Variants in RBMS3 observed in about 807,000 individuals in gnomAD.
The protein encoded by RBMS3 is RNA binding motif single stranded interacting protein 3.
In RBMS3, 27 loss-of-function variants were observed where a neutral mutation model predicts 66.8. The observed-to-expected ratio is 0.40, with a 90% CI of 0.30 to 0.56. RBMS3 has a LOEUF of 0.56. RBMS3 is among the 20% of genes least tolerant of loss of function. The pLI, the probability that RBMS3 is intolerant of heterozygous loss-of-function variation, is 0.40. For missense variants in RBMS3, 513 were observed against 549.5 expected (o/e 0.93, Z 0.66); for synonymous variants, 188 against 183.0 (o/e 1.03, Z -0.22).
chr3:29,481,657 CAGA>C (rs1285784380), intron 2 of RBMS3, among the ~76,000 whole-genome samples: 1 of 152,080 alleles, frequency 6.6e-6, no homozygotes, highest in Non-Finnish European at 1.5e-5. Flanking sequence ...TAGGTATTGG[CAGA>C]AGGAGACTGA....
chr3:30,006,605 CATGT>C lies in RBMS3; in HGVS notation c.*2747_*2750del, dbSNP rs1483315558. The C allele has an allele frequency of 6.6e-6, 1 of 151,826 alleles. No individual in the cohort carries two copies. Among genetic ancestry groups the C allele is most frequent in the Non-Finnish European group, 1.5e-5 (1 of 67,814 alleles). The allele number at this position is 151,826 out of a possible 1,614,324, so 9.4% of individuals were successfully genotyped here. On this transcript the variant is annotated 3_prime_UTR_variant, in exon 15 of 15. Coordinates refer to ENST00000383767, the MANE Select transcript of RBMS3 (RefSeq NM_001003793.3). ...CAAAGTTTTTTGGGGTACAAAAAGACATGTATGAGAACCATATTTTCTGTTTCTC... is the reference window on the plus strand; with the variant it reads ...CAAAGTTTTTTGGGGTACAAAAAGACATGAGAACCATATTTTCTGTTTCTC...
intron 1 of RBMS3, among the ~76,000 whole-genome samples, chr3:29,410,015 A>G (rs959252381): frequency 6.6e-6 from 1 of 152,150 alleles, no homozygotes; most frequent in Admixed American, 6.5e-5. Context: ...TCTTTCAGGT[A>G]ATGAGATTGT....
At position 29,473,648 on chromosome 3, in the gene RBMS3, C is replaced by T. The variant is rs572775986; in HGVS notation, c.249-14793C>T. 7.9e-5 allele frequency among the ~76,000 whole-genome samples: 12 copies of T among 152,328 alleles called. 1 individual carries two copies. Among genetic ancestry groups the T allele is most frequent in the African/African-American group, 2.6e-4 (11 of 41,582 alleles). Reference sequence around the variant, plus strand: ...GCTGCAGGTCCCGAGCCCTGCCCCTCGGGGAGGCAGCTAAGGCACGGTGAG... The same window carrying T: ...GCTGCAGGTCCCGAGCCCTGCCCCTTGGGGAGGCAGCTAAGGCACGGTGAG... On this transcript the variant is annotated intron_variant, in intron 2 of 14. Transcript: ENST00000383767.
rs570233125 is a variant in RBMS3 at position 29,670,950 on chromosome 3, C to T, written c.400-68770C>T. On this transcript the variant is annotated intron_variant, in intron 4 of 14. Transcript: ENST00000383767. ...AGATCTGAGAATGGACAGACTGCCT[C>T]CTCAAGTGAGACCCTGACCCCCAAG... is the stretch of plus-strand genomic sequence containing the variant. Among the ~76,000 whole-genome samples the T allele has an allele frequency of 3.3e-5, 5 of 152,336 alleles. No homozygotes were observed. In the South Asian group the frequency reaches 8.3e-4, roughly 25 times the overall value.
intron 2 of RBMS3, among the ~76,000 whole-genome samples, chr3:29,487,006 C>T (rs2043346179): frequency 6.6e-6 from 1 of 151,992 alleles, no homozygotes; most frequent in African/African-American, 2.4e-5. Flanking sequence ...ACATTTTCTT[C>T]TCTTATCCCT....
intron 3 of RBMS3, among the ~76,000 whole-genome samples, chr3:29,572,862 T>C (rs1431976529): frequency 6.6e-6 from 1 of 152,216 alleles, no homozygotes. Context: ...CTTAAGTGTT[T>C]GATAGAATTC....
At chr3:29,308,448 G>A (rs544925038) in intron 1 of RBMS3, among the ~76,000 whole-genome samples, 7 of 151,768 alleles carry the variant, frequency 4.6e-5, no homozygotes, top group East Asian at 2.0e-4. Context: ...AACAATGAAC[G>A]TATAAGGGAG....
In RBMS3 at chr3:29,989,450, C is replaced by A. The variant is rs117729129; in HGVS notation, c.1179+1227C>A. 4.7e-3 allele frequency among the ~76,000 whole-genome samples: 717 copies of A among 152,290 alleles called. 16 individuals are homozygous for A. The East Asian group carries it at 0.082, about 17-fold the overall frequency. On this transcript the variant is annotated intron_variant, in intron 13 of 14. Transcript: ENST00000383767. The stretch of plus-strand genomic sequence containing the variant: ...ATTCCTTCTCAGCAGCTGGGAATCC[C>A]CTGCAGCTGATGTCTTTGCTACTCC...
intron 1 of RBMS3, among the ~76,000 whole-genome samples, chr3:29,343,696 C>T (rs570864810): frequency 2.0e-5 from 3 of 152,256 alleles, no homozygotes; most frequent in Admixed American, 2.0e-4. Context: ...ACCAGTTCAA[C>T]CTCATTGTCC....
chr3:29,621,448 A>G lies in RBMS3; in HGVS notation c.399+34243A>G, dbSNP rs149368582. 1.1e-3 allele frequency among the ~76,000 whole-genome samples: 170 copies of G among 152,306 alleles called. 1 individual carries two copies. The highest frequency in any genetic ancestry group is 2.0e-3 in the Admixed American group (31 of 15,302). On this transcript the variant is annotated intron_variant, in intron 4 of 14. Coordinates refer to ENST00000383767, the MANE Select transcript of RBMS3 (RefSeq NM_001003793.3). ...GGGCTGGAACAAGGGACTCCTGACT[A>G]TCAGGGACTCTGCAGATTATTTGTA...
chr3:29,425,204 C>A (rs1406109621), intron 1 of RBMS3, among the ~76,000 whole-genome samples: 3 of 123,896 alleles, frequency 2.4e-5, no homozygotes, highest in South Asian at 3.1e-4. Context: ...AAAAAAAACC[C>A]CCCAAAAAAA....
chr3:29,405,320 T>A (rs2039973448), intron 1 of RBMS3, among the ~76,000 whole-genome samples: 1 of 152,208 alleles, frequency 6.6e-6, no homozygotes, highest in Non-Finnish European at 1.5e-5. Context: ...AGGCTTTGTC[T>A]ATAATCCTGT....
intron 5 of RBMS3, among the ~76,000 whole-genome samples, chr3:29,750,773 AT>A (rs1213837746): frequency 6.6e-6 from 1 of 151,858 alleles, no homozygotes; most frequent in Admixed American, 6.6e-5. Context: ...AGCATTTCTT[AT>A]TTGACAATGC....
At chr3:29,855,137 C>T (rs1577002635) in intron 6 of RBMS3, among the ~76,000 whole-genome samples, 1 of 152,254 alleles carries the variant, frequency 6.6e-6, no homozygotes, top group South Asian at 2.1e-4. Context: ...TTACTACATG[C>T]TACTCTATGC....
At position 29,281,416 on chromosome 3, in the gene RBMS3, C is replaced by A; in HGVS notation, c.-266C>A. 6.0e-6 allele frequency: 3 copies of A among 496,548 alleles called. No homozygotes were observed. Among genetic ancestry groups the A allele is most frequent in the Non-Finnish European group, 7.0e-6 (2 of 283,788 alleles). 30.8% of individuals were successfully genotyped at this position (496,548 alleles called of 1,614,324 possible). On this transcript the variant is annotated 5_prime_UTR_variant, in exon 1 of 15. Coordinates refer to ENST00000383767, the MANE Select transcript of RBMS3 (RefSeq NM_001003793.3). Reference sequence around the variant, plus strand: ...GTGGACCCCGGCAGCTGGGGGAAGCCAGGCAAGATCTGGGAAGGCTGTGTG... The same window carrying A: ...GTGGACCCCGGCAGCTGGGGGAAGCAAGGCAAGATCTGGGAAGGCTGTGTG...
At chr3:29,421,018 C>T (rs1007469502) in intron 1 of RBMS3, among the ~76,000 whole-genome samples, 6 of 150,932 alleles carry the variant, frequency 4.0e-5, no homozygotes, top group African/African-American at 1.5e-4. Context: ...GAGGCCGAGG[C>T]AGGAGAATGG....
intron 6 of RBMS3, among the ~76,000 whole-genome samples, chr3:29,807,155 C>G (rs749176773): frequency 2.6e-5 from 4 of 151,800 alleles, no homozygotes; most frequent in Non-Finnish European, 4.4e-5. Flanking sequence ...AAAACAAGTG[C>G]AAATACCTGT....
chr3:29,483,898 G>A (rs532253144), intron 2 of RBMS3, among the ~76,000 whole-genome samples: 2 of 152,244 alleles, frequency 1.3e-5, no homozygotes, highest in African/African-American at 2.4e-5. Flanking sequence ...AATAAAAGAC[G>A]TTTTAGTTTG....
chr3:29,610,914 G>T (rs2048471610), intron 4 of RBMS3, among the ~76,000 whole-genome samples: 1 of 151,762 alleles, frequency 6.6e-6, no homozygotes, highest in Non-Finnish European at 1.5e-5. Flanking sequence ...TGACCTTTCT[G>T]CCTTTCCTTA....
Sources: gnomAD v4.1 joint callset for allele counts (sites outside exome capture counted in the v4.1 genomes callset) on GRCh38, gnomAD v4.1.1 for gene constraint, MANE v1.5 for transcripts, NCBI Gene and HGNC (gene_info 2026-07-23, HGNC 2026-07-21) for gene names.